The following ECRG4 variants were observed in gnomAD, a reference collection of about 807,000 sequenced individuals.
ECRG4 encodes ECRG4 augurin precursor.
ECRG4 carries 18 observed loss-of-function variants against 15.8 expected under a neutral mutation model. The ratio of observed to expected loss-of-function variants is 1.14; its 90% CI spans 0.79 to 1.69. ECRG4 has a LOEUF of 1.69. Among genes scored for constraint, ECRG4 ranks in the 40% most tolerant of loss-of-function variants. The pLI is 0.00. For synonymous variants in ECRG4, 82 were observed against 73.9 expected, an observed-to-expected ratio of 1.11 and a Z score of -0.56; for missense variants, 200 against 190.9, an observed-to-expected ratio of 1.05 and a Z score of -0.28.
intron 3 of ECRG4, among the ~76,000 whole-genome samples, chr2:106,075,399 A>T (rs766388935): frequency 3.9e-5 from 6 of 152,242 alleles, no homozygotes; most frequent in Non-Finnish European, 8.8e-5. Context: ...CATTTCTTTG[A>T]TGACCATCAT....
At chr2:106,067,065 G>GGGA (rs1553411476) in intron 1 of ECRG4, among the ~76,000 whole-genome samples, 1 of 91,736 alleles carries the variant, frequency 1.1e-5, no homozygotes, top group Non-Finnish European at 2.5e-5. Context: ...AGGCCGGGGG[G>GGGA]GGGGGGGGGG....
intron 1 of ECRG4, among the ~76,000 whole-genome samples, chr2:106,068,937 G>T (rs547424419): frequency 1.3e-5 from 2 of 152,100 alleles, no homozygotes; most frequent in Non-Finnish European, 2.9e-5. Flanking sequence ...ATGCTCAGAC[G>T]CCTCCAGCAA....
intron 1 of ECRG4, among the ~76,000 whole-genome samples, chr2:106,069,193 CTTCT>C (rs1676297712): frequency 3.7e-5 from 5 of 135,440 alleles, no homozygotes; most frequent in Non-Finnish European, 8.1e-5. Flanking sequence ...CTTTCTCTTT[CTTCT>C]TTCTTTTTTA....
intron 3 of ECRG4, among the ~76,000 whole-genome samples, chr2:106,076,245 T>TG (rs563099597): frequency 5.9e-4 from 90 of 151,856 alleles, no homozygotes; most frequent in South Asian, 2.3e-3. Flanking sequence ...TTGAACCTGG[T>TG]GGGGGGTGGA....
intron 1 of ECRG4, among the ~76,000 whole-genome samples, chr2:106,071,495 C>T (rs1421250170): frequency 1.3e-5 from 2 of 152,182 alleles, no homozygotes; most frequent in Non-Finnish European, 2.9e-5. Context: ...ACACTATTCA[C>T]TATTCAACGT....
chr2:106,077,650 G>C (rs575651800), intron 3 of ECRG4, 115 bp from the exon 4 acceptor site: 46 of 905,776 alleles, frequency 5.1e-5, no homozygotes, highest in East Asian at 4.6e-4. Context: ...AGTTACTAAG[G>C]GTTGTTAATC....
chr2:106,070,654 A>G (rs575390285), intron 1 of ECRG4: 1 of 198,828 alleles, frequency 5.0e-6, no homozygotes, highest in Non-Finnish European at 1.1e-5. Context: ...ATTGATGTAT[A>G]ATTCACAAAC....
At chr2:106,070,851 T>A (rs1005206625) in intron 1 of ECRG4, 2 of 468,076 alleles carry the variant, frequency 4.3e-6, no homozygotes, top group Admixed American at 4.7e-5. Context: ...GTGGTCACCA[T>A]TACCTCCATC....
chr2:106,074,201 T>C lies in ECRG4; in HGVS notation c.285+158T>C, dbSNP rs1676434751. The C allele has an allele frequency of 2.0e-5, 16 of 812,362 alleles. No homozygotes were observed. The East Asian group carries it at 3.5e-4, about 18-fold the overall frequency. The allele number at this position is 812,362 out of a possible 1,614,324, so 50.3% of individuals were successfully genotyped here. A position where few individuals can be genotyped will look rare whatever the true frequency, so the allele number is the denominator to read the frequency against. ...CCAAGTGCTATCAGGCACTGGATCA[T>C]GTTACCTATGGTGTAAGGGCGATGG... On this transcript the variant is annotated intron_variant, in intron 3 of 3. Transcript: ENST00000238044.
chr2:106,071,629 G>T (rs1442410381), intron 1 of ECRG4, among the ~76,000 whole-genome samples: 1 of 152,156 alleles, frequency 6.6e-6, no homozygotes, highest in Non-Finnish European at 1.5e-5. Flanking sequence ...ACCCTTGGTC[G>T]GCTGTGGTCA....
Position 106,065,737 on chromosome 2 carries a change from C to G in ECRG4, c.-28C>G. The G allele has an allele frequency of 6.8e-7, 1 of 1,468,912 alleles. No homozygotes were observed. Among genetic ancestry groups the G allele is most frequent in the Admixed American group, 2.4e-5 (1 of 42,524 alleles). 91.0% of individuals were successfully genotyped at this position (1,468,912 alleles called of 1,614,324 possible). ...CCTCGCAGCACCTCGAAGTGCGCCC[C>G]TCGCCCTCCTGCTCGCGCCCCGCCG... On this transcript the variant is annotated 5_prime_UTR_variant, in exon 1 of 4. Transcript: ENST00000238044.
intron 2 of ECRG4, among the ~76,000 whole-genome samples, chr2:106,073,279 C>T (rs978351977): frequency 3.9e-5 from 6 of 152,172 alleles, no homozygotes; most frequent in Admixed American, 1.3e-4. Context: ...TGTGAGGGTG[C>T]GGGTCAGTAT....
At chr2:106,073,797 TG>T in intron 2 of ECRG4, 88 bp from the exon 3 acceptor site, 1 of 1,472,960 alleles carries the variant, frequency 6.8e-7, no homozygotes, top group South Asian at 1.2e-5. Flanking sequence ...CACATGGTGG[TG>T]GGGGATGGGA....
In ECRG4 at chr2:106,067,315, AAAG is replaced by A. The variant is rs758956862; in HGVS notation, c.79+1484_79+1486del. Among the ~76,000 whole-genome samples the A allele has an allele frequency of 4.8e-4, 69 of 142,316 alleles. 1 individual carries two copies. The highest frequency in any genetic ancestry group is 2.5e-4 in the Non-Finnish European group (17 of 66,966). The allele number at this position is 142,316 out of a possible 152,430, so 93.4% of individuals were successfully genotyped here. ...CGCAAAATAAAAAAAGAAATAAATAAAAGAAGAAGAAGAAAAAAGCACATCTGA... is the reference window on the plus strand; with the variant it reads ...CGCAAAATAAAAAAAGAAATAAATAAAAGAAGAAGAAAAAAGCACATCTGA... On this transcript the variant is annotated intron_variant, in intron 1 of 3. Transcript: ENST00000238044.
chr2:106,077,486 A>C (rs1676511136), intron 3 of ECRG4, among the ~76,000 whole-genome samples: 1 of 152,188 alleles, frequency 6.6e-6, no homozygotes, highest in African/African-American at 2.4e-5. Context: ...TTACCAAGAG[A>C]GAGAAAAACA....
At chr2:106,064,240 T>G (rs1038535739), upstream of ECRG4, 1 of 152,236 alleles carries the variant, frequency 6.6e-6, no homozygotes, top group Admixed American at 6.5e-5. Context: ...AGACCCACTT[T>G]GCACTTTTTT....
At chr2:106,066,193 T>TA (rs1326037348) in intron 1 of ECRG4, among the ~76,000 whole-genome samples, 4 of 152,176 alleles carry the variant, frequency 2.6e-5, no homozygotes, top group Non-Finnish European at 5.9e-5. Context: ...ACGCAGCTGG[T>TA]AACCCAGAGG....
intron 2 of ECRG4, among the ~76,000 whole-genome samples, chr2:106,072,787 C>A (rs140933188): frequency 1.3e-5 from 2 of 152,168 alleles, no homozygotes; most frequent in Non-Finnish European, 2.9e-5. Context: ...GCTCAGAGGG[C>A]CCCCTCCCTG....
chr2:106,075,579 C>T (rs915697832), intron 3 of ECRG4, among the ~76,000 whole-genome samples: 4 of 152,112 alleles, frequency 2.6e-5, no homozygotes, highest in African/African-American at 9.7e-5. Flanking sequence ...AAAAATTAGC[C>T]AGGTGTGTGG....
Sources: gnomAD v4.1 joint callset for allele counts (sites outside exome capture counted in the v4.1 genomes callset) on GRCh38, gnomAD v4.1.1 for gene constraint, MANE v1.5 for transcripts, NCBI Gene and HGNC (gene_info 2026-07-23, HGNC 2026-07-21) for gene names.